ODR4: variants seen among roughly 807,000 people sequenced by gnomAD.
ODR4 encodes the protein odr-4 GPCR localization factor homolog, also known as protein odr-4 homolog.
Under a neutral mutation model 60.2 loss-of-function variants are expected in ODR4, and 47 were observed. The ratio of observed to expected loss-of-function variants is 0.78; its 90% CI spans 0.62 to 1.00. ODR4 has a LOEUF of 1.00. Ranked by LOEUF, ODR4 falls within the 50% of genes least tolerant of loss-of-function variation. The pLI is 0.00. For synonymous variants in ODR4, 178 were observed against 175.5 expected, an observed-to-expected ratio of 1.01 and a Z score of -0.11; for missense variants, 488 against 530.8, an observed-to-expected ratio of 0.92 and a Z score of 0.79.
chr1:186,421,043 T>G lies in ODR4; in HGVS notation c.*1967T>G, dbSNP rs1014696549. ...AAGACAGTCAAATACTTAGTAGGCTTCCTAACAGCAACAATGTACCCAAAA... is the reference window on the plus strand; with the variant it reads ...AAGACAGTCAAATACTTAGTAGGCTGCCTAACAGCAACAATGTACCCAAAA... On this transcript the variant is annotated 3_prime_UTR_variant, in exon 14 of 14. Coordinates refer to ENST00000287859, the MANE Select transcript of ODR4 (RefSeq NM_017847.6). 2.0e-5 allele frequency: 3 copies of G among 152,140 alleles called. No homozygotes were observed. Among genetic ancestry groups the G allele is most frequent in the Non-Finnish European group, 4.4e-5 (3 of 68,024 alleles). The allele number at this position is 152,140 out of a possible 1,614,324, so 9.4% of individuals were successfully genotyped here. A position where few individuals can be genotyped will look rare whatever the true frequency, so the allele number is the denominator to read the frequency against.
At chr1:186,417,762 T>A in intron 13 of ODR4, 108 bp downstream of exon 13, 1 of 658,684 alleles carries the variant, frequency 1.5e-6, no homozygotes, top group Non-Finnish European at 2.7e-6. Context: ...ATTGCTAGAC[T>A]TAACAGTATT....
At chr1:186,393,173 T>C (rs1353445876) in intron 8 of ODR4, among the ~76,000 whole-genome samples, 1 of 152,126 alleles carries the variant, frequency 6.6e-6, no homozygotes, top group African/African-American at 2.4e-5. Context: ...AAATAAATAA[T>C]GGGTACTAGG....
intron 12 of ODR4, among the ~76,000 whole-genome samples, chr1:186,414,371 T>C (rs956015184): frequency 2.6e-5 from 4 of 151,916 alleles, no homozygotes; most frequent in African/African-American, 4.8e-5. Flanking sequence ...TAATATATTA[T>C]GACAACTAAA....
chr1:186,386,818 A>G (rs1660269372), intron 4 of ODR4, among the ~76,000 whole-genome samples: 1 of 152,144 alleles, frequency 6.6e-6, no homozygotes, highest in Admixed American at 6.5e-5. Context: ...TGAGAGTAAA[A>G]CATAAACAAT....
intron 10 of ODR4, 60 bp downstream of exon 10, chr1:186,398,501 T>G (rs999449353): frequency 7.6e-6 from 11 of 1,451,316 alleles, no homozygotes; most frequent in East Asian, 2.5e-5. Flanking sequence ...AACCTAAAAT[T>G]TTACCATTTT....
rs1313402698 is a variant in ODR4, at chr1:186,417,628, T to C, written c.1271T>C (p.Met424Thr). ...EQPKQPIKTTMLLKIQQNIGV... is the reference protein window; with the variant it reads ...EQPKQPIKTTTLLKIQQNIGV... The stretch of plus-strand genomic sequence containing the variant: ...CCAAAACAACCAATTAAAACTACAA[T>C]GTTATTGAAAATTCAGCAAAACATA... Residue 424 changes from methionine (M) to threonine (T), a missense_variant, in exon 13 of 14, where the codon ATG (methionine) becomes ACG (threonine). By Grantham distance (81) the Met-to-Thr change is moderately conservative. Coordinates refer to ENST00000287859, the MANE Select transcript of ODR4 (RefSeq NM_017847.6). 6.3e-7 allele frequency: 1 copy of C among 1,592,788 alleles called. No homozygotes were observed. The highest frequency in any genetic ancestry group is 1.3e-5 in the African/African-American group (1 of 74,576).
chr1:186,428,306 C>G, the ODR4 span, among the ~76,000 whole-genome samples: 7 of 152,192 alleles, frequency 4.6e-5, no homozygotes, highest in Non-Finnish European at 8.8e-5. Flanking sequence ...GCTGTTTCAC[C>G]TTGTACTTTT....
intron 6 of ODR4, among the ~76,000 whole-genome samples, chr1:186,390,077 A>G (rs1660405066): frequency 6.6e-6 from 1 of 152,112 alleles, no homozygotes; most frequent in Non-Finnish European, 1.5e-5. Context: ...AAGTGCTGAG[A>G]TTACGGGCTT....
At chr1:186,407,048 G>T (rs1372496162) in intron 12 of ODR4, among the ~76,000 whole-genome samples, 1 of 152,006 alleles carries the variant, frequency 6.6e-6, no homozygotes, top group Admixed American at 6.6e-5. Flanking sequence ...ATTTGATTGG[G>T]GAACTTCAAA....
intron 2 of ODR4, among the ~76,000 whole-genome samples, chr1:186,380,852 A>G (rs1659994079): frequency 1.3e-5 from 2 of 152,264 alleles, no homozygotes; most frequent in South Asian, 4.1e-4. Flanking sequence ...CACTGTCCAG[A>G]GGACTCAAGT....
At chr1:186,384,167 T>C (rs541874160) in intron 3 of ODR4, among the ~76,000 whole-genome samples, 180 of 152,348 alleles carry the variant, frequency 1.2e-3, no homozygotes, top group South Asian at 2.7e-3. Context: ...ATGATTCTGC[T>C]GGCTGCAAGA....
At chr1:186,381,235 C>G (rs1041764105) in intron 2 of ODR4, among the ~76,000 whole-genome samples, 2 of 152,122 alleles carry the variant, frequency 1.3e-5, no homozygotes, top group African/African-American at 4.8e-5. Flanking sequence ...GAGAAAGACC[C>G]TCTTCTAAAT....
chr1:186,429,257 G>A, the ODR4 span, among the ~76,000 whole-genome samples: 1 of 151,726 alleles, frequency 6.6e-6, no homozygotes, highest in Non-Finnish European at 1.5e-5. Flanking sequence ...GTGACACACT[G>A]AGACTCTGTC....
downstream of ODR4, among the ~76,000 whole-genome samples, chr1:186,425,147 A>G (rs1408975531): frequency 2.0e-5 from 3 of 152,214 alleles, no homozygotes; most frequent in African/African-American, 4.8e-5. Context: ...TCATCTCAAT[A>G]TGACATCAAG....
chr1:186,396,267 T>A (rs1660666297), intron 9 of ODR4, among the ~76,000 whole-genome samples: 1 of 152,192 alleles, frequency 6.6e-6, no homozygotes, highest in African/African-American at 2.4e-5. Flanking sequence ...AGACCCCAAC[T>A]GGTCTACATT....
At chr1:186,401,182 AT>A in intron 11 of ODR4, 1 of 1,582,486 alleles carries the variant, frequency 6.3e-7, no homozygotes, top group Non-Finnish European at 8.6e-7. Flanking sequence ...GTACTTTGAA[AT>A]TTTTGCTGAT....
chr1:186,396,319 C>T (rs1401803093), intron 9 of ODR4, among the ~76,000 whole-genome samples: 2 of 152,160 alleles, frequency 1.3e-5, no homozygotes, highest in East Asian at 1.9e-4. Flanking sequence ...TTCTTTAAAA[C>T]TTTTCCTGGC....
At chr1:186,394,383 T>C (rs1005767760) in intron 9 of ODR4, among the ~76,000 whole-genome samples, 1 of 152,166 alleles carries the variant, frequency 6.6e-6, no homozygotes, top group Admixed American at 6.5e-5. Flanking sequence ...TGTCATATGC[T>C]TATTTTGAAG....
At chr1:186,411,241 A>G (rs1453571264) in intron 12 of ODR4, among the ~76,000 whole-genome samples, 1 of 152,128 alleles carries the variant, frequency 6.6e-6, no homozygotes, top group Non-Finnish European at 1.5e-5. Context: ...AATTTAAAAA[A>G]ATCTGAAATC....
Sources: gnomAD v4.1 joint callset for allele counts (sites outside exome capture counted in the v4.1 genomes callset) on GRCh38, gnomAD v4.1.1 for gene constraint, MANE v1.5 for transcripts, NCBI Gene and HGNC (gene_info 2026-07-23, HGNC 2026-07-21) for gene names.